Variants in STARD7 observed in about 807,000 individuals in gnomAD.
STARD7 encodes the protein stAR-related lipid transfer protein 7, mitochondrial.
Under a neutral mutation model 45.3 loss-of-function variants are expected in STARD7, and 30 were observed. The ratio of observed to expected loss-of-function variants is 0.66; its 90% CI spans 0.50 to 0.90. STARD7 has a LOEUF of 0.90. Among genes scored for constraint, STARD7 ranks in the 40% least tolerant of loss-of-function variants. STARD7 has a pLI of 0.00. For synonymous variants in STARD7, 199 were observed against 183.0 expected (o/e 1.09, Z -0.70); for missense variants, 495 against 491.3 (o/e 1.01, Z -0.07).
intron 5 of STARD7, 66 bp from the exon 6 acceptor site, chr2:96,192,534 A>AGTTAAGG: frequency 8.0e-7 from 1 of 1,252,934 alleles, no homozygotes; most frequent in Admixed American, 1.7e-5. Flanking sequence ...AGGAGAGCTA[A>AGTTAAGG]GTTAAGGGGA....
In STARD7 at chr2:96,208,465, C is replaced by T. The variant is rs1043382879; in HGVS notation, c.-31G>A. 8.8e-6 allele frequency: 12 copies of T among 1,357,654 alleles called. No individual in the cohort carries two copies. Among genetic ancestry groups the T allele is most frequent in the African/African-American group, 1.5e-5 (1 of 65,060 alleles). The allele number at this position is 1,357,654 out of a possible 1,614,324, so 84.1% of individuals were successfully genotyped here. ...CTCCCGCAGGGCCCGCCGCGAGCTT[C>T]CGGGGCCCAAGGAACCAGTCCGGAG... On this transcript the variant is annotated 5_prime_UTR_variant, in exon 1 of 8. Coordinates refer to ENST00000337288, the MANE Select transcript of STARD7 (RefSeq NM_020151.4).
chr2:96,188,881 C>T (rs761539518), intron 6 of STARD7, among the ~76,000 whole-genome samples: 2 of 151,450 alleles, frequency 1.3e-5, no homozygotes, highest in Admixed American at 6.6e-5. Flanking sequence ...GCAACAAGAG[C>T]GAAACTCATC....
chr2:96,191,374 T>C (rs1264871805), intron 6 of STARD7, among the ~76,000 whole-genome samples: 2 of 152,212 alleles, frequency 1.3e-5, no homozygotes, highest in African/African-American at 4.8e-5. Flanking sequence ...CTTCTACTTC[T>C]GTATCTTTTG....
At chr2:96,186,942 C>G (rs758705689) in intron 7 of STARD7, 28 bp from the exon 8 acceptor site, 4 of 1,593,414 alleles carry the variant, frequency 2.5e-6, no homozygotes, top group Non-Finnish European at 3.4e-6. Context: ...TCAGGTTAAG[C>G]TGACATACAA....
chr2:96,193,506 T>C (rs1683158021), intron 3 of STARD7, among the ~76,000 whole-genome samples, 154 bp from the exon 4 acceptor site: 1 of 152,214 alleles, frequency 6.6e-6, no homozygotes, highest in African/African-American at 2.4e-5. Context: ...GAGACATGGC[T>C]GTGTTTACTA....
intron 2 of STARD7, 80 bp downstream of exon 2, chr2:96,195,261 A>G (rs576867292): frequency 4.8e-6 from 6 of 1,254,562 alleles, no homozygotes; most frequent in East Asian, 2.5e-5. Flanking sequence ...CAACCAGAAC[A>G]GTTTAGAGAA....
At chr2:96,194,171 G>C (rs1683168206) in intron 3 of STARD7, among the ~76,000 whole-genome samples, 1 of 152,096 alleles carries the variant, frequency 6.6e-6, no homozygotes, top group South Asian at 2.1e-4. Context: ...ACCAGCCTAG[G>C]AGACATAGGG....
intron 7 of STARD7, 132 bp from the exon 8 acceptor site, chr2:96,187,046 A>T: frequency 1.0e-6 from 1 of 956,212 alleles, no homozygotes; most frequent in Non-Finnish European, 1.6e-6. Flanking sequence ...TAGCCTGTGA[A>T]TAAGAGCTGC....
At chr2:96,206,800 C>CAAAAA (rs61417989) in intron 1 of STARD7, among the ~76,000 whole-genome samples, 6 of 49,414 alleles carry the variant, frequency 1.2e-4, no homozygotes, top group African/African-American at 4.2e-4. Context: ...GACTCCGTCT[C>CAAAAA]AAAAAAAAAA....
Position 96,208,458 on chromosome 2 carries a change from C to T in STARD7, c.-24G>A, listed in dbSNP as rs1683442499. On this transcript the variant is annotated 5_prime_UTR_variant, in exon 1 of 8. Transcript: ENST00000337288. Reference sequence around the variant, plus strand: ...ATGCCGCCTCCCGCAGGGCCCGCCGCGAGCTTCCGGGGCCCAAGGAACCAG... The same window carrying T: ...ATGCCGCCTCCCGCAGGGCCCGCCGTGAGCTTCCGGGGCCCAAGGAACCAG... 7.4e-7 allele frequency: 1 copy of T among 1,357,366 alleles called. No individual in the cohort carries two copies. Among genetic ancestry groups the T allele is most frequent in the Non-Finnish European group, 9.4e-7 (1 of 1,064,788 alleles). The allele number at this position is 1,357,366 out of a possible 1,614,324, so 84.1% of individuals were successfully genotyped here.
intron 1 of STARD7, among the ~76,000 whole-genome samples, chr2:96,205,330 T>C (rs1683371844): frequency 6.6e-6 from 1 of 152,230 alleles, no homozygotes; most frequent in Non-Finnish European, 1.5e-5. Context: ...TCATTCTGAA[T>C]AGGACTCAAA....
At chr2:96,207,650 T>C (rs935033438) in intron 1 of STARD7, among the ~76,000 whole-genome samples, 2 of 152,192 alleles carry the variant, frequency 1.3e-5, no homozygotes, top group African/African-American at 4.8e-5. Flanking sequence ...ACAAAATCGC[T>C]TCCAGGCTCT....
chr2:96,194,452 G>A (rs922423995), intron 3 of STARD7, among the ~76,000 whole-genome samples: 6 of 152,068 alleles, frequency 3.9e-5, no homozygotes, highest in African/African-American at 1.4e-4. Context: ...CTGTACTGAA[G>A]TGGAAAATGC....
intron 1 of STARD7, among the ~76,000 whole-genome samples, chr2:96,196,983 T>C (rs1683220803): frequency 6.6e-6 from 1 of 150,948 alleles, no homozygotes; most frequent in African/African-American, 2.4e-5. Flanking sequence ...AGAGAATCGC[T>C]TGAACACGGG....
At chr2:96,188,976 G>T (rs1683082035) in intron 6 of STARD7, among the ~76,000 whole-genome samples, 1 of 151,284 alleles carries the variant, frequency 6.6e-6, no homozygotes, top group African/African-American at 2.4e-5. Flanking sequence ...TTGAGACAAG[G>T]TCTCACTCTG....
intron 3 of STARD7, among the ~76,000 whole-genome samples, chr2:96,193,967 T>C (rs1573941754): frequency 6.6e-6 from 1 of 152,358 alleles, no homozygotes; most frequent in East Asian, 1.9e-4. Context: ...AATTTTGTTC[T>C]AGAACTCTGG....
At chr2:96,188,583 G>A (rs983897696) in intron 6 of STARD7, among the ~76,000 whole-genome samples, 1 of 150,304 alleles carries the variant, frequency 6.7e-6, no homozygotes, top group Non-Finnish European at 1.5e-5. Flanking sequence ...CCAAGACTCC[G>A]TCTTTAAAAA....
At chr2:96,206,339 C>T (rs1683388730) in intron 1 of STARD7, among the ~76,000 whole-genome samples, 1 of 152,124 alleles carries the variant, frequency 6.6e-6, no homozygotes, top group Non-Finnish European at 1.5e-5. Context: ...AACTCCCACC[C>T]CCAAACTCTC....
At chr2:96,207,305 G>A (rs1388407348) in intron 1 of STARD7, among the ~76,000 whole-genome samples, 1 of 152,224 alleles carries the variant, frequency 6.6e-6, no homozygotes, top group South Asian at 2.1e-4. Context: ...AATCTGCGGA[G>A]GGAGGGGATT....
Sources: gnomAD v4.1 joint callset for allele counts (sites outside exome capture counted in the v4.1 genomes callset) on GRCh38, gnomAD v4.1.1 for gene constraint, MANE v1.5 for transcripts, NCBI Gene and HGNC (gene_info 2026-07-23, HGNC 2026-07-21) for gene names.